MAST4: variants seen among roughly 807,000 people sequenced by gnomAD.
MAST4 encodes microtubule-associated serine/threonine-protein kinase 4.
In MAST4, 89 loss-of-function variants were observed where a neutral mutation model predicts 162.7. The ratio of observed to expected loss-of-function variants is 0.55; its 90% confidence interval spans 0.46 to 0.65. The LOEUF (loss-of-function observed/expected upper bound fraction) is 0.65, where lower values mean the gene tolerates loss of function less well. MAST4 is among the 30% of genes least tolerant of loss of function. The pLI, the probability that MAST4 is intolerant of heterozygous loss-of-function variation, is 0.00. For synonymous variants in MAST4, 1,479 were observed against 1,361.1 expected (o/e 1.09, Z -1.91); for missense variants, 3,153 against 3,374.0 (o/e 0.93, Z 1.62).
intron 1 of MAST4, among the ~76,000 whole-genome samples, chr5:66,638,518 A>C (rs973487085): frequency 1.3e-5 from 2 of 152,204 alleles, no homozygotes; most frequent in Non-Finnish European, 2.9e-5. Context: ...CTATATACAT[A>C]ATGAGATATC....
chr5:66,993,921 C>CCA (rs948360754), intron 4 of MAST4, among the ~76,000 whole-genome samples: 9 of 1,544 alleles, frequency 5.8e-3, no homozygotes, highest in Non-Finnish European at 0.014. Flanking sequence ...GTGCAGAAGA[C>CCA]CCCCCCCCCC....
At chr5:66,875,337 C>T (rs1761223319) in intron 3 of MAST4, among the ~76,000 whole-genome samples, 1 of 152,118 alleles carries the variant, frequency 6.6e-6, no homozygotes, top group Admixed American at 6.5e-5. Context: ...ATAGAAAATT[C>T]TGAGGCAGCT....
rs147807129 is a variant in MAST4 at position 66,945,410 on chromosome 5, C to T, written c.674+45428C>T. 6.5e-3 allele frequency among the ~76,000 whole-genome samples: 986 copies of T among 152,168 alleles called. 16 individuals carry two copies. Among genetic ancestry groups the T allele is most frequent in the African/African-American group, 0.023 (945 of 41,534 alleles). Reference sequence around the variant, plus strand: ...GGAAATCATGCTGTAAATGATAAGTCCTCAGTTGGCTCCACAAAATCCAAC... The same window carrying T: ...GGAAATCATGCTGTAAATGATAAGTTCTCAGTTGGCTCCACAAAATCCAAC... On this transcript the variant is annotated intron_variant, in intron 4 of 28. Coordinates refer to ENST00000403625, the MANE Select transcript of MAST4 (RefSeq NM_001164664.2).
At chr5:67,158,422 C>A (rs979241169) in intron 26 of MAST4, among the ~76,000 whole-genome samples, 34 of 151,948 alleles carry the variant, frequency 2.2e-4, no homozygotes, top group African/African-American at 8.0e-4. Flanking sequence ...ACACAGAATT[C>A]TAAGTCAGCC....
intron 1 of MAST4, among the ~76,000 whole-genome samples, chr5:66,607,644 G>C (rs1480414945): frequency 6.6e-6 from 1 of 152,206 alleles, no homozygotes; most frequent in Admixed American, 6.5e-5. Flanking sequence ...AATTTGGTCA[G>C]TAGTGAAAGT....
chr5:66,914,398 A>G (rs1710010618), intron 4 of MAST4, among the ~76,000 whole-genome samples: 2 of 152,220 alleles, frequency 1.3e-5, no homozygotes, highest in Admixed American at 6.5e-5. Context: ...ACTTTGTCCA[A>G]AAAGCCCCTC....
At chr5:66,615,576 A>T (rs755392562) in intron 1 of MAST4, among the ~76,000 whole-genome samples, 3 of 152,086 alleles carry the variant, frequency 2.0e-5, no homozygotes, top group Non-Finnish European at 2.9e-5. Context: ...ACACTTTGGG[A>T]GGCTGAAGCG....
chr5:66,711,168 G>A (rs1750475543), intron 1 of MAST4, among the ~76,000 whole-genome samples: 1 of 152,166 alleles, frequency 6.6e-6, no homozygotes, highest in Non-Finnish European at 1.5e-5. Context: ...TGTGGCAATA[G>A]TTTATTCTTT....
At chr5:67,126,147 C>T (rs546570078) in intron 14 of MAST4, among the ~76,000 whole-genome samples, 41 of 152,200 alleles carry the variant, frequency 2.7e-4, no homozygotes, top group African/African-American at 9.6e-4. Context: ...GATATTAGCC[C>T]TTTATCAGAT....
At chr5:66,626,830 C>T (rs1389820510) in intron 1 of MAST4, among the ~76,000 whole-genome samples, 2 of 152,102 alleles carry the variant, frequency 1.3e-5, no homozygotes, top group East Asian at 1.9e-4. Flanking sequence ...GGATAAAAGC[C>T]TGGAAGTCAG....
chr5:67,160,967 C>T (rs963098936), intron 27 of MAST4, among the ~76,000 whole-genome samples: 27 of 152,178 alleles, frequency 1.8e-4, no homozygotes, highest in African/African-American at 6.5e-4. Flanking sequence ...AAAAAACAAA[C>T]AGTTGCTATT....
At chr5:66,706,635 A>G (rs1294464764) in intron 1 of MAST4, among the ~76,000 whole-genome samples, 1 of 151,516 alleles carries the variant, frequency 6.6e-6, no homozygotes, top group Non-Finnish European at 1.5e-5. Context: ...TGAAGTGATC[A>G]GGTAAAACCC....
chr5:66,851,060 T>C (rs1759276299), intron 3 of MAST4, among the ~76,000 whole-genome samples: 1 of 152,096 alleles, frequency 6.6e-6, no homozygotes. Context: ...CCCAGCAACA[T>C]TTCCCCATGG....
chr5:66,626,562 C>G (rs2149415039), intron 1 of MAST4, among the ~76,000 whole-genome samples: 1 of 152,286 alleles, frequency 6.6e-6, no homozygotes, highest in South Asian at 2.1e-4. Context: ...AAATTCTCAG[C>G]TAGAACATTT....
chr5:66,820,704 T>G (rs774096542), intron 3 of MAST4, among the ~76,000 whole-genome samples: 1 of 152,246 alleles, frequency 6.6e-6, no homozygotes, highest in African/African-American at 2.4e-5. Context: ...TTAGGGCATT[T>G]ATGAGGATAG....
chr5:67,154,988 T>C (rs1429385692), intron 26 of MAST4, among the ~76,000 whole-genome samples: 1 of 152,216 alleles, frequency 6.6e-6, no homozygotes, highest in Non-Finnish European at 1.5e-5. Context: ...GAATGCTGTT[T>C]ACACAGTGTT....
chr5:66,742,857 G>A (rs899280691), intron 1 of MAST4, among the ~76,000 whole-genome samples: 1 of 152,178 alleles, frequency 6.6e-6, no homozygotes, highest in Non-Finnish European at 1.5e-5. Context: ...CAGCTAATCA[G>A]AATTCAGAGT....
intron 4 of MAST4, among the ~76,000 whole-genome samples, chr5:67,035,342 G>A (rs1424453017): frequency 6.6e-6 from 1 of 152,094 alleles, no homozygotes; most frequent in African/African-American, 2.4e-5. Context: ...AGGTTCTGAG[G>A]AGGGATAGAC....
At chr5:66,607,516 A>G (rs1218395153) in intron 1 of MAST4, among the ~76,000 whole-genome samples, 8 of 152,214 alleles carry the variant, frequency 5.3e-5, no homozygotes, top group Non-Finnish European at 1.2e-4. Context: ...CACATGTTAA[A>G]AGGAATTATT....
Sources: gnomAD v4.1 joint callset for allele counts (sites outside exome capture counted in the v4.1 genomes callset) on GRCh38, gnomAD v4.1.1 for gene constraint, MANE v1.5 for transcripts, NCBI Gene and HGNC (gene_info 2026-07-23, HGNC 2026-07-21) for gene names.